ZNF722: variants seen among roughly 807,000 people sequenced by gnomAD.
The protein encoded by ZNF722 is zinc finger protein 722.
chr7:64,001,902 A>G, the ZNF722 span, among the ~76,000 whole-genome samples: 2 of 151,958 alleles, frequency 1.3e-5, no homozygotes, highest in Non-Finnish European at 2.9e-5. Flanking sequence ...ATATATTTTT[A>G]AGATGGAGTC....
chr7:64,016,006 A>G, the ZNF722 span: 1 of 885,536 alleles, frequency 1.1e-6, no homozygotes, highest in Non-Finnish European at 1.7e-6. Flanking sequence ...GAATATGGAC[A>G]AACCTTTAAC....
the ZNF722 span, among the ~76,000 whole-genome samples, chr7:64,014,511 A>G: frequency 1.3e-5 from 2 of 152,138 alleles, no homozygotes; most frequent in Non-Finnish European, 2.9e-5. Flanking sequence ...TGTATTGGGT[A>G]GAGATTCTGG....
the ZNF722 span, among the ~76,000 whole-genome samples, chr7:64,012,777 A>G: frequency 6.6e-6 from 1 of 152,118 alleles, no homozygotes; most frequent in African/African-American, 2.4e-5. Flanking sequence ...CCATATTGAA[A>G]TGTAATCTCC....
At chr7:64,011,559 G>A in the ZNF722 span, among the ~76,000 whole-genome samples, 1 of 152,154 alleles carries the variant, frequency 6.6e-6, no homozygotes, top group Non-Finnish European at 1.5e-5. Flanking sequence ...TTTTCTTTAA[G>A]AATGTTGAAT....
At chr7:64,009,507 G>C in the ZNF722 span, among the ~76,000 whole-genome samples, 1 of 152,162 alleles carries the variant, frequency 6.6e-6, no homozygotes, top group Non-Finnish European at 1.5e-5. Context: ...TAATCATATA[G>C]TTTTGTCTTT....
chr7:64,000,742 C>T, the ZNF722 span, among the ~76,000 whole-genome samples: 1 of 150,950 alleles, frequency 6.6e-6, no homozygotes, highest in Non-Finnish European at 1.5e-5. Flanking sequence ...TAAGTTATCA[C>T]ACCCAGCCTG....
At chr7:64,002,139 C>T in the ZNF722 span, among the ~76,000 whole-genome samples, 2 of 152,242 alleles carry the variant, frequency 1.3e-5, no homozygotes, top group East Asian at 1.9e-4. Context: ...CCTTGGACTC[C>T]CAAAGTGCTG....
At chr7:64,017,945 A>G in the ZNF722 span, among the ~76,000 whole-genome samples, 1 of 152,178 alleles carries the variant, frequency 6.6e-6, no homozygotes, top group Non-Finnish European at 1.5e-5. Context: ...GATTCTTCCC[A>G]TTGTTTGTGA....
the ZNF722 span, among the ~76,000 whole-genome samples, chr7:64,001,660 A>C: frequency 6.6e-6 from 1 of 152,204 alleles, no homozygotes; most frequent in Admixed American, 6.5e-5. Context: ...AAAAAATGCC[A>C]AACTGCTTTT....
At chr7:64,001,071 G>A in the ZNF722 span, among the ~76,000 whole-genome samples, 1 of 152,240 alleles carries the variant, frequency 6.6e-6, no homozygotes, top group Admixed American at 6.5e-5. Flanking sequence ...GCCACTGTGC[G>A]CAGCCGAATT....
At chr7:64,000,283 A>T in the ZNF722 span, among the ~76,000 whole-genome samples, 1 of 150,576 alleles carries the variant, frequency 6.6e-6, no homozygotes, top group East Asian at 2.0e-4. Flanking sequence ...GGCATGCGTC[A>T]CCACCCCAGC....
the ZNF722 span, chr7:64,015,940 C>T: frequency 2.2e-6 from 3 of 1,348,562 alleles, no homozygotes; most frequent in Non-Finnish European, 3.1e-6. Context: ...TTCTAGCCCT[C>T]AGGCCTTATA....
chr7:64,007,416 G>A, the ZNF722 span, among the ~76,000 whole-genome samples: 6 of 151,772 alleles, frequency 4.0e-5, no homozygotes, highest in African/African-American at 1.5e-4. Flanking sequence ...GACAGGCCCT[G>A]GTGTGTGATG....
At chr7:64,016,288 G>A in the ZNF722 span, among the ~76,000 whole-genome samples, 2 of 152,020 alleles carry the variant, frequency 1.3e-5, no homozygotes, top group Admixed American at 1.3e-4. Flanking sequence ...ATAGGCATGT[G>A]CCACCACACT....
At chr7:64,009,896 A>G in the ZNF722 span, among the ~76,000 whole-genome samples, 1 of 152,034 alleles carries the variant, frequency 6.6e-6, no homozygotes, top group Non-Finnish European at 1.5e-5. Context: ...TTGGTAGGCT[A>G]TTAATTATTG....
At chr7:64,006,071 T>A in the ZNF722 span, among the ~76,000 whole-genome samples, 2 of 152,198 alleles carry the variant, frequency 1.3e-5, no homozygotes, top group South Asian at 4.1e-4. Context: ...CTTACAAATT[T>A]AAAATATTTT....
the ZNF722 span, among the ~76,000 whole-genome samples, chr7:64,013,945 A>G: frequency 4.0e-5 from 6 of 151,514 alleles, no homozygotes; most frequent in Non-Finnish European, 5.9e-5. Context: ...GCCTTTGACC[A>G]TTTAACACAG....
the ZNF722 span, among the ~76,000 whole-genome samples, chr7:64,004,455 T>TATATAA: frequency 3.0e-5 from 4 of 132,606 alleles, no homozygotes; most frequent in African/African-American, 5.7e-5. Context: ...TATATATATA[T>TATATAA]AAAATTAAAT....
At chr7:64,010,400 A>G in the ZNF722 span, among the ~76,000 whole-genome samples, 1 of 152,240 alleles carries the variant, frequency 6.6e-6, no homozygotes. Context: ...ATTTCCCTCT[A>G]CACACTGCTT....
Sources: gnomAD v4.1 joint callset for allele counts (sites outside exome capture counted in the v4.1 genomes callset) on GRCh38, gnomAD v4.1.1 for gene constraint, MANE v1.5 for transcripts, NCBI Gene and HGNC (gene_info 2026-07-23, HGNC 2026-07-21) for gene names.